AKIRIN2: variants seen among roughly 807,000 people sequenced by gnomAD.
AKIRIN2 encodes the protein akirin-2.
Under a neutral mutation model 29.3 loss-of-function variants are expected in AKIRIN2, and 6 were observed. That is an observed-to-expected ratio of 0.20 (90% CI 0.11 to 0.40). The LOEUF is 0.40. Among genes scored for constraint, AKIRIN2 ranks in the 10% least tolerant of loss-of-function variants. AKIRIN2 has a pLI of 1.00. For missense variants in AKIRIN2, 210 were observed against 276.1 expected (o/e 0.76, Z 1.70); for synonymous variants, 128 against 117.5 (o/e 1.09, Z -0.58).
In AKIRIN2 at chr6:87,681,687, C is replaced by T. The variant is rs62000376; in HGVS notation, c.312G>A (p.Gln104=). Residue 104 remains glutamine (Q), a synonymous_variant, in exon 2 of 5, where the codon CAG becomes CAA. Coordinates refer to ENST00000257787, the MANE Select transcript of AKIRIN2 (RefSeq NM_018064.4). ...KRRHLETSFQ[Q]TDPCCTSDAQ... ...CATCAGAAGTACAACACGGATCTGT[C>T]TGTTGGAAACTCGTTTCTAAATGTC... The T allele has an allele frequency of 5.6e-3, 9,027 of 1,613,424 alleles. 40 individuals carry two copies. The highest frequency in any genetic ancestry group is 6.6e-3 in the Non-Finnish European group (7,768 of 1,179,602).
At chr6:87,683,836 G>C (rs895180177) in intron 1 of AKIRIN2, among the ~76,000 whole-genome samples, 1 of 152,078 alleles carries the variant, frequency 6.6e-6, no homozygotes, top group African/African-American at 2.4e-5. Context: ...ATTTTTGGTA[G>C]AGACAGGGTT....
At chr6:87,681,974 A>G (rs3857489) in intron 1 of AKIRIN2, among the ~76,000 whole-genome samples, 1,869 of 152,316 alleles carry the variant, frequency 0.012, 40 homozygotes, top group African/African-American at 0.041. Context: ...CTGTTCAACA[A>G]TATTCTTGCT....
intron 2 of AKIRIN2, 124 bp downstream of exon 2, chr6:87,681,496 A>G: frequency 1.1e-6 from 1 of 930,920 alleles, no homozygotes. Flanking sequence ...GTCATGCATT[A>G]CTTGTATAAA....
intron 2 of AKIRIN2, among the ~76,000 whole-genome samples, chr6:87,680,770 CCCT>C (rs1340290846): frequency 6.7e-4 from 16 of 23,710 alleles, no homozygotes; most frequent in South Asian, 2.1e-3. Flanking sequence ...CCCGCCCCCC[CCCT>C]TTTTTTTTTT....
chr6:87,687,748 A>G (rs1771211627), intron 1 of AKIRIN2, among the ~76,000 whole-genome samples: 1 of 152,220 alleles, frequency 6.6e-6, no homozygotes, highest in Admixed American at 6.5e-5. Context: ...TCCAGCTTAT[A>G]TTACACTAAG....
At chr6:87,695,010 C>G (rs1447748395) in intron 1 of AKIRIN2, among the ~76,000 whole-genome samples, 7 of 152,150 alleles carry the variant, frequency 4.6e-5, no homozygotes, top group African/African-American at 1.7e-4. Context: ...GAGAAACTTG[C>G]TATAACAAAT....
At chr6:87,698,655 T>C (rs1771409470) in intron 1 of AKIRIN2, among the ~76,000 whole-genome samples, 1 of 152,200 alleles carries the variant, frequency 6.6e-6, no homozygotes, top group Non-Finnish European at 1.5e-5. Context: ...AAGGAGTCCC[T>C]AAAAAATTCA....
At position 87,701,998 on chromosome 6, in the gene AKIRIN2, C is replaced by T. The variant is rs1227027158; in HGVS notation, c.-314G>A. On this transcript the variant is annotated 5_prime_UTR_variant, in exon 1 of 5. Coordinates refer to ENST00000257787, the MANE Select transcript of AKIRIN2 (RefSeq NM_018064.4). ...CTCCCCCGAGAGAGGCTCCGGCCGC[C>T]CCCGCCGTCCGCTCGAGCTTTGCGC... 7.5e-6 allele frequency: 3 copies of T among 402,588 alleles called. No homozygotes were observed. The highest frequency in any genetic ancestry group is 1.3e-5 in the Non-Finnish European group (3 of 228,172). The allele number at this position is 402,588 out of a possible 1,614,324, so 24.9% of individuals were successfully genotyped here. A position where few individuals can be genotyped will look rare whatever the true frequency, so the allele number is the denominator to read the frequency against.
At chr6:87,689,270 G>A (rs1771239301) in intron 1 of AKIRIN2, among the ~76,000 whole-genome samples, 1 of 152,160 alleles carries the variant, frequency 6.6e-6, no homozygotes, top group Non-Finnish European at 1.5e-5. Context: ...GGGAAGCCGA[G>A]GCGGGTGGAT....
chr6:87,679,352 T>C (rs1562396872), intron 2 of AKIRIN2, among the ~76,000 whole-genome samples: 1 of 143,222 alleles, frequency 7.0e-6, no homozygotes, highest in Non-Finnish European at 1.5e-5. Context: ...TGGCAAACCA[T>C]GTCTCTAATA....
intron 3 of AKIRIN2, among the ~76,000 whole-genome samples, chr6:87,676,938 A>G (rs189031129): frequency 5.9e-5 from 9 of 151,834 alleles, no homozygotes; most frequent in Non-Finnish European, 8.8e-5. Flanking sequence ...TTAGCCGGGC[A>G]TGGTGGTAGG....
At chr6:87,680,584 T>C (rs1229173718) in intron 2 of AKIRIN2, among the ~76,000 whole-genome samples, 2 of 152,138 alleles carry the variant, frequency 1.3e-5, no homozygotes, top group East Asian at 3.9e-4. Flanking sequence ...AATTTTTTTA[T>C]TCTGCCAGGT....
At chr6:87,679,247 C>T (rs1156551320) in intron 2 of AKIRIN2, among the ~76,000 whole-genome samples, 2 of 151,798 alleles carry the variant, frequency 1.3e-5, no homozygotes, top group Non-Finnish European at 2.9e-5. Context: ...CATTCTGGAA[C>T]CTAGCTTGTG....
intron 2 of AKIRIN2, 150 bp from the exon 3 acceptor site, chr6:87,678,117 A>G (rs547431372): frequency 2.9e-6 from 2 of 681,294 alleles, no homozygotes; most frequent in South Asian, 3.4e-5. Flanking sequence ...ACAAGTCTTA[A>G]AACAACCAAA....
intron 1 of AKIRIN2, chr6:87,700,589 A>G (rs552537692): frequency 2.0e-5 from 3 of 152,348 alleles, no homozygotes; most frequent in Middle Eastern, 3.4e-3. Flanking sequence ...CTCTCAGGAA[A>G]TGTTTCAAGA....
intron 1 of AKIRIN2, among the ~76,000 whole-genome samples, chr6:87,688,170 C>T (rs950197739): frequency 3.3e-5 from 5 of 152,008 alleles, no homozygotes; most frequent in African/African-American, 7.2e-5. Context: ...CTCGCTCTGT[C>T]GCCCAGGCTG....
intron 1 of AKIRIN2, among the ~76,000 whole-genome samples, chr6:87,688,908 G>T (rs1333953734): frequency 6.6e-6 from 1 of 152,220 alleles, no homozygotes; most frequent in East Asian, 1.9e-4. Flanking sequence ...AATGTAATGT[G>T]TATTTACCTG....
chr6:87,699,884 T>C (rs1269390244), intron 1 of AKIRIN2, among the ~76,000 whole-genome samples: 1 of 152,228 alleles, frequency 6.6e-6, no homozygotes, highest in Admixed American at 6.5e-5. Flanking sequence ...CTGAAATGTA[T>C]TGCTGGTTAG....
intron 1 of AKIRIN2, among the ~76,000 whole-genome samples, chr6:87,684,663 T>A (rs1771162410): frequency 6.6e-6 from 1 of 152,008 alleles, no homozygotes. Context: ...CTACTTTCAC[T>A]CAGCAAAATG....
Sources: gnomAD v4.1 joint callset for allele counts (sites outside exome capture counted in the v4.1 genomes callset) on GRCh38, gnomAD v4.1.1 for gene constraint, MANE v1.5 for transcripts, NCBI Gene and HGNC (gene_info 2026-07-23, HGNC 2026-07-21) for gene names.